The following ASIC2 variants were observed in gnomAD, a reference collection of about 807,000 sequenced individuals.
The protein encoded by ASIC2 is acid sensing ion channel subunit 2.
Under a neutral mutation model 57.3 loss-of-function variants are expected in ASIC2, and 25 were observed. The observed-to-expected ratio is 0.44, with a 90% CI of 0.32 to 0.61. The LOEUF is 0.61. Among genes scored for constraint, ASIC2 ranks in the 20% least tolerant of loss-of-function variants. The pLI is 0.06. For synonymous variants in ASIC2, 319 were observed against 307.5 expected (o/e 1.04, Z -0.39); for missense variants, 641 against 738.1 (o/e 0.87, Z 1.52).
chr17:34,034,667 C>T (rs1189454372), intron 1 of ASIC2, among the ~76,000 whole-genome samples: 2 of 152,184 alleles, frequency 1.3e-5, no homozygotes, highest in Non-Finnish European at 2.9e-5. Flanking sequence ...AGCAAAGTCT[C>T]AGGATACAAA....
At chr17:33,718,583 G>T (rs569790291) in intron 1 of ASIC2, among the ~76,000 whole-genome samples, 1 of 152,308 alleles carries the variant, frequency 6.6e-6, no homozygotes, top group South Asian at 2.1e-4. Flanking sequence ...GAGGACAGGG[G>T]TGACTTAGAT....
intron 1 of ASIC2, among the ~76,000 whole-genome samples, chr17:34,097,219 T>C (rs1910579014): frequency 6.6e-6 from 1 of 152,146 alleles, no homozygotes; most frequent in Admixed American, 6.5e-5. Flanking sequence ...TTTTACCTCT[T>C]TACCTTCACA....
chr17:33,291,038 C>A, intron 1 of ASIC2: 1 of 224,930 alleles, frequency 4.4e-6, no homozygotes, highest in Non-Finnish European at 8.6e-6. Context: ...GAGATCTACA[C>A]TCCAAACACA....
At chr17:33,822,821 T>A (rs971959204) in intron 1 of ASIC2, among the ~76,000 whole-genome samples, 2 of 152,218 alleles carry the variant, frequency 1.3e-5, no homozygotes, top group African/African-American at 4.8e-5. Context: ...CCTTGGATCA[T>A]GGCAGGAAAG....
At chr17:33,388,560 C>T (rs1228995133) in intron 1 of ASIC2, among the ~76,000 whole-genome samples, 1 of 152,168 alleles carries the variant, frequency 6.6e-6, no homozygotes, top group Non-Finnish European at 1.5e-5. Context: ...TGGTCTTTTC[C>T]CCTTTCTTAA....
intron 1 of ASIC2, among the ~76,000 whole-genome samples, chr17:34,067,610 G>A (rs769860992): frequency 4.6e-5 from 7 of 152,118 alleles, no homozygotes; most frequent in Non-Finnish European, 8.8e-5. Context: ...CTGGATACCT[G>A]TACAAAATGC....
At chr17:33,628,978 G>A (rs946537585) in intron 1 of ASIC2, among the ~76,000 whole-genome samples, 1 of 152,102 alleles carries the variant, frequency 6.6e-6, no homozygotes. Context: ...GCATGGATGC[G>A]GCCGTTCTCC....
chr17:33,578,195 T>C (rs569851922), intron 1 of ASIC2, among the ~76,000 whole-genome samples: 1 of 152,300 alleles, frequency 6.6e-6, no homozygotes, highest in African/African-American at 2.4e-5. Flanking sequence ...CTTTGGGCCA[T>C]AATCTCTGAT....
intron 1 of ASIC2, among the ~76,000 whole-genome samples, chr17:33,319,163 G>A (rs2142213527): frequency 6.6e-6 from 1 of 152,312 alleles, no homozygotes; most frequent in South Asian, 2.1e-4. Flanking sequence ...CCGGGATGCG[G>A]AGCTTGCAGC....
Position 33,751,224 on chromosome 17 carries a change from C to A in ASIC2, c.555+404754G>T, listed in dbSNP as rs1416296063. On this transcript the variant is annotated intron_variant, in intron 1 of 9. Transcript: ENST00000359872. ...AGCCCTATCATTAATCAGATGCCTG[C>A]AGGAGACGGCTCATAGCTTGCTGCT... 2.6e-5 allele frequency among the ~76,000 whole-genome samples: 4 copies of A among 152,328 alleles called. No homozygotes were observed. In the East Asian group the frequency reaches 7.7e-4, roughly 29 times the overall value.
chr17:33,541,863 G>A (rs759594239), intron 1 of ASIC2, among the ~76,000 whole-genome samples: 7 of 152,096 alleles, frequency 4.6e-5, no homozygotes, highest in Admixed American at 1.3e-4. Flanking sequence ...CCTTTGCTTG[G>A]TCTAGTGCAG....
chr17:34,038,788 C>T (rs1226827331), intron 1 of ASIC2: 71 of 1,611,700 alleles, frequency 4.4e-5, no homozygotes, highest in Non-Finnish European at 5.7e-5. Context: ...TGCTTTTCCA[C>T]TGTTTCTGCT....
intron 8 of ASIC2, among the ~76,000 whole-genome samples, chr17:33,017,028 C>T (rs2091809680): frequency 1.3e-5 from 2 of 152,228 alleles, no homozygotes; most frequent in Non-Finnish European, 2.9e-5. Flanking sequence ...GGCCTCGTTC[C>T]AGCTGCCTCT....
chr17:33,477,408 G>T (rs1295631015), intron 1 of ASIC2, among the ~76,000 whole-genome samples: 2 of 152,162 alleles, frequency 1.3e-5, no homozygotes, highest in African/African-American at 2.4e-5. Flanking sequence ...TCTAGCTCTG[G>T]CTCTGTCCCT....
chr17:33,803,468 C>T (rs1283848701), intron 1 of ASIC2, among the ~76,000 whole-genome samples: 4 of 151,952 alleles, frequency 2.6e-5, no homozygotes, highest in Non-Finnish European at 4.4e-5. Flanking sequence ...GAGTGTACCC[C>T]AGGGCATGGC....
At chr17:33,169,839 C>A (rs545545739) in intron 1 of ASIC2, among the ~76,000 whole-genome samples, 4 of 152,320 alleles carry the variant, frequency 2.6e-5, no homozygotes, top group African/African-American at 7.2e-5. Flanking sequence ...CTAGCCCTCA[C>A]GGCTACCTCT....
chr17:34,140,614 A>G (rs1387736976), intron 1 of ASIC2, among the ~76,000 whole-genome samples: 1 of 152,248 alleles, frequency 6.6e-6, no homozygotes, highest in Non-Finnish European at 1.5e-5. Context: ...CTTTCAAAAA[A>G]TACAGGGAAA....
chr17:33,401,011 C>T (rs1326146197), intron 1 of ASIC2, among the ~76,000 whole-genome samples: 1 of 152,176 alleles, frequency 6.6e-6, no homozygotes, highest in African/African-American at 2.4e-5. Flanking sequence ...TGGAGAGATG[C>T]CATATCGTCG....
rs541212244 is a variant in ASIC2 at position 33,879,223 on chromosome 17, C to T, written c.555+276755G>A. On this transcript the variant is annotated intron_variant, in intron 1 of 9. Coordinates refer to the ASIC2 transcript ENST00000359872. ...ACTAACGAGCAAAATAACCAGCTAA[C>T]ATCATGATGACAGGATCAAATTCAC... Among the ~76,000 whole-genome samples, 7 of 152,306 alleles carry T rather than the reference C, an allele frequency of 4.6e-5. No homozygotes were observed. The East Asian group carries it at 1.3e-3, about 29-fold the overall frequency.
Sources: gnomAD v4.1 joint callset for allele counts (sites outside exome capture counted in the v4.1 genomes callset) on GRCh38, gnomAD v4.1.1 for gene constraint, MANE v1.5 for transcripts, NCBI Gene and HGNC (gene_info 2026-07-23, HGNC 2026-07-21) for gene names.